The following HTR2C variants were observed in gnomAD, a reference collection of about 807,000 sequenced individuals.
HTR2C encodes 5-hydroxytryptamine receptor 2C.
Under a neutral mutation model 21.0 loss-of-function variants are expected in HTR2C, and 5 were observed. The observed-to-expected ratio is 0.24, with a 90% CI of 0.12 to 0.50. HTR2C has a LOEUF of 0.50. HTR2C is among the 20% of genes least tolerant of loss of function. The pLI, the probability that HTR2C is intolerant of heterozygous loss-of-function variation, is 0.98. For missense variants in HTR2C, 271 were observed against 371.2 expected, an observed-to-expected ratio of 0.73 and a Z score of 2.22; for synonymous variants, 150 against 145.3, an observed-to-expected ratio of 1.03 and a Z score of -0.23.
intron 4 of HTR2C, among the ~76,000 whole-genome samples, chrX:114,795,095 T>A (rs1304983866): frequency 5.4e-5 from 6 of 110,901 alleles, no homozygotes; most frequent in East Asian, 2.9e-4. Flanking sequence ...GGTATCTCAT[T>A]GTGGTTTTGA....
intron 5 of HTR2C, among the ~76,000 whole-genome samples, chrX:114,863,508 G>T (rs2071021988): frequency 9.0e-6 from 1 of 111,465 alleles, no homozygotes; most frequent in African/African-American, 3.2e-5. Flanking sequence ...CACTAGATAT[G>T]ATTTTAGTCT....
chrX:114,859,552 C>T (rs1242568903), intron 5 of HTR2C, among the ~76,000 whole-genome samples: 7 of 110,883 alleles, frequency 6.3e-5, no homozygotes, highest in South Asian at 3.8e-4. Context: ...CTTCCTGTTT[C>T]GCCCAGAGAA....
chrX:114,905,401 GT>G (rs1228338752), intron 5 of HTR2C, among the ~76,000 whole-genome samples: 2 of 111,192 alleles, frequency 1.8e-5, no homozygotes, highest in Non-Finnish European at 3.8e-5. Context: ...TTGACTCATT[GT>G]TTTTTTTCCC....
intron 5 of HTR2C, among the ~76,000 whole-genome samples, chrX:114,874,423 T>C (rs1408216551): frequency 6.3e-5 from 7 of 111,838 alleles, no homozygotes; most frequent in Non-Finnish European, 1.9e-5. Context: ...TGTTTCCTTT[T>C]CTCCACATCC....
At chrX:114,803,241 A>G (rs1260815093) in intron 4 of HTR2C, among the ~76,000 whole-genome samples, 3 of 74,199 alleles carry the variant, frequency 4.0e-5, no homozygotes, top group African/African-American at 1.3e-4. Context: ...CTTTGGGTAT[A>G]TACCCAGTAA....
chrX:114,776,076 G>A (rs782286762), intron 4 of HTR2C: 16 of 456,453 alleles, frequency 3.5e-5, no homozygotes, highest in Middle Eastern at 6.2e-4. Context: ...CTGACAATTC[G>A]GTTGTCAAAG....
At chrX:114,603,558 C>T (rs1396900086) in intron 1 of HTR2C, among the ~76,000 whole-genome samples, 6 of 103,946 alleles carry the variant, frequency 5.8e-5, no homozygotes, top group Admixed American at 3.2e-4. Context: ...CATTCGGACA[C>T]GATTGGCAGA....
At chrX:114,586,797 T>C (rs1927416053) in intron 1 of HTR2C, among the ~76,000 whole-genome samples, 1 of 110,680 alleles carries the variant, frequency 9.0e-6, no homozygotes, top group African/African-American at 3.3e-5. Flanking sequence ...TACATATATA[T>C]ACATAAAATA....
chrX:114,794,185 C>T (rs1241084475), intron 4 of HTR2C, among the ~76,000 whole-genome samples: 1 of 110,884 alleles, frequency 9.0e-6, no homozygotes, highest in Non-Finnish European at 1.9e-5. Flanking sequence ...ATTATATAAC[C>T]AAAATGCCTG....
intron 4 of HTR2C, among the ~76,000 whole-genome samples, chrX:114,795,927 G>C (rs2070288897): frequency 8.9e-6 from 1 of 111,820 alleles, no homozygotes; most frequent in African/African-American, 3.2e-5. Flanking sequence ...TGTGCTGACA[G>C]AGAGCTGTTG....
At chrX:114,807,179 ATG>A (rs1556450636) in intron 4 of HTR2C, among the ~76,000 whole-genome samples, 337 of 11,850 alleles carry the variant, frequency 0.028, 157 homozygotes, top group Non-Finnish European at 0.037. Context: ...TATATACACC[ATG>A]TATATATACA....
chrX:114,836,424 G>A (rs183317399), intron 4 of HTR2C, among the ~76,000 whole-genome samples: 1 of 112,668 alleles, frequency 8.9e-6, no homozygotes, highest in East Asian at 2.8e-4. Context: ...CGTTTTTTAA[G>A]CCGGTCGGAA....
At position 114,909,826 on chromosome X, in the gene HTR2C, G is replaced by A. The variant is rs2071401582; in HGVS notation, c.*2411G>A. Reference sequence around the variant, plus strand: ...TTTTAAAGAAGTCCATGTGATAATTGTAAAGGTGATGAATTTACCATCAAA... The same window carrying A: ...TTTTAAAGAAGTCCATGTGATAATTATAAAGGTGATGAATTTACCATCAAA... On this transcript the variant is annotated 3_prime_UTR_variant, in exon 6 of 6. Transcript: ENST00000276198. 8.9e-6 allele frequency: 1 copy of A among 112,227 alleles called. No homozygotes were observed. Among genetic ancestry groups the A allele is most frequent in the African/African-American group, 3.2e-5 (1 of 30,855 alleles). 9.2% of individuals were successfully genotyped at this position (112,227 alleles called of 1,213,427 possible). A position where few individuals can be genotyped will look rare whatever the true frequency, so the allele number is the denominator to read the frequency against.
At chrX:114,873,719 A>G (rs943883365) in intron 5 of HTR2C, among the ~76,000 whole-genome samples, 16 of 111,782 alleles carry the variant, frequency 1.4e-4, no homozygotes, top group Non-Finnish European at 2.6e-4. Flanking sequence ...TGATAAATGT[A>G]TAGATCATGA....
intron 5 of HTR2C, among the ~76,000 whole-genome samples, chrX:114,864,108 G>A (rs1189380417): frequency 9.1e-6 from 1 of 109,439 alleles, no homozygotes; most frequent in Non-Finnish European, 1.9e-5. Flanking sequence ...TTTTTGATAA[G>A]AGAATTTAAT....
At chrX:114,628,176 A>G (rs1014431146) in intron 2 of HTR2C, among the ~76,000 whole-genome samples, 2 of 111,652 alleles carry the variant, frequency 1.8e-5, no homozygotes, top group Non-Finnish European at 3.8e-5. Context: ...CAGTATTTAA[A>G]TAGTATCTAT....
intron 2 of HTR2C, among the ~76,000 whole-genome samples, chrX:114,676,451 A>T (rs1391784251): frequency 8.9e-6 from 1 of 111,907 alleles, no homozygotes; most frequent in Admixed American, 9.5e-5. Flanking sequence ...TCTGAGGTAA[A>T]AAAAAAAGGA....
rs782742232 is a variant in HTR2C, at chrX:114,868,491, G to A, written c.550+20288G>A. The stretch of plus-strand genomic sequence containing the variant: ...ATCCATAGGCTAACCTGGTACTGCC[G>A]ATTCGTTGTCTTTAATGGCTGAATA... On this transcript the variant is annotated intron_variant, in intron 5 of 5. Transcript: ENST00000276198. 3.9e-4 allele frequency among the ~76,000 whole-genome samples: 43 copies of A among 110,748 alleles called. 1 individual carries two copies. The highest frequency in any genetic ancestry group is 3.0e-3 in the Admixed American group (31 of 10,358).
chrX:114,688,758 T>A, intron 2 of HTR2C, among the ~76,000 whole-genome samples: 1 of 111,707 alleles, frequency 9.0e-6, no homozygotes, highest in Non-Finnish European at 1.9e-5. Context: ...TTAGTACAAT[T>A]TGGCTGGCCA....
Sources: allele counts gnomAD v4.1 joint callset (sites outside exome capture counted in the v4.1 genomes callset), GRCh38; gene constraint gnomAD v4.1.1; transcripts MANE v1.5; gene names NCBI Gene and HGNC (gene_info 2026-07-23, HGNC 2026-07-21).